The following CDK13 variants were observed in gnomAD, a reference collection of about 807,000 sequenced individuals.
The protein encoded by CDK13 is cyclin-dependent kinase 13.
CDK13 carries 40 observed loss-of-function variants against 137.6 expected under a neutral mutation model. The ratio of observed to expected loss-of-function variants is 0.29; its 90% CI spans 0.23 to 0.38. The LOEUF (loss-of-function observed/expected upper bound fraction) is 0.38, where lower values mean the gene tolerates loss of function less well. CDK13 is among the 10% of genes least tolerant of loss of function. The pLI is 1.00. For missense variants in CDK13, 1,704 were observed against 1,951.8 expected (o/e 0.87, Z 2.39); for synonymous variants, 869 against 760.1 (o/e 1.14, Z -2.36).
At chr7:40,012,390 GGA>G (rs1415502291) in intron 5 of CDK13, among the ~76,000 whole-genome samples, 7 of 152,094 alleles carry the variant, frequency 4.6e-5, no homozygotes, top group African/African-American at 1.7e-4. Context: ...CCTGAGGCCA[GGA>G]GTTCAAGACC....
chr7:39,951,976 C>A, intron 1 of CDK13, 124 bp downstream of exon 1: 1 of 1,056,556 alleles, frequency 9.5e-7, no homozygotes, highest in Non-Finnish European at 1.2e-6. Context: ...GACAACACCG[C>A]CTGAGCCTCC....
rs1313403354 is a variant in CDK13 at position 39,950,475 on chromosome 7, A to C, written c.-167A>C. 8.0e-7 allele frequency: 1 copy of C among 1,256,484 alleles called. No individual in the cohort carries two copies. Among genetic ancestry groups the C allele is most frequent in the Non-Finnish European group, 1.0e-6 (1 of 1,001,854 alleles). The allele number at this position is 1,256,484 out of a possible 1,614,324, so 77.8% of individuals were successfully genotyped here. Reference sequence around the variant, plus strand: ...TGCTGCGTACCCCACTGTGACCTGGAACCCAGGGACCCGAGTCCCGACCCG... The same window carrying C: ...TGCTGCGTACCCCACTGTGACCTGGCACCCAGGGACCCGAGTCCCGACCCG... On this transcript the variant is annotated 5_prime_UTR_variant, in exon 1 of 14. Coordinates refer to ENST00000181839, the MANE Select transcript of CDK13 (RefSeq NM_003718.5).
chr7:39,957,090 C>CGTGTGTGTGTGTGTGTGTGT (rs70996865), intron 1 of CDK13, among the ~76,000 whole-genome samples: 5 of 140,934 alleles, frequency 3.5e-5, no homozygotes, highest in African/African-American at 5.3e-5. Flanking sequence ...ATCCCACTGT[C>CGTGTGTGTGTGTGTGTGTGT]GTGTGTGTGT....
At chr7:40,062,797 C>T (rs771583692) in intron 7 of CDK13, 29 bp from the exon 8 acceptor site, 1 of 1,446,964 alleles carries the variant, frequency 6.9e-7, no homozygotes, top group Non-Finnish European at 9.7e-7. Flanking sequence ...CAAATACTAA[C>T]TCTAAAGACT....
At position 40,062,808 on chromosome 7, in the gene CDK13, GT is replaced by G; in HGVS notation, c.2601-14del. The G allele has an allele frequency of 6.5e-7, 1 of 1,538,472 alleles. No homozygotes were observed. The highest frequency in any genetic ancestry group is 9.0e-7 in the Non-Finnish European group (1 of 1,111,590). ...CCAACAAATACTAACTCTAAAGACT[GT>G]TTTCTGTGTTTTTTAGTCGGCCGTA... is the stretch of plus-strand genomic sequence containing the variant. On this transcript the variant is annotated splice_polypyrimidine_tract_variant and intron_variant, in intron 7 of 13. Coordinates refer to ENST00000181839, the MANE Select transcript of CDK13 (RefSeq NM_003718.5).
intron 5 of CDK13, among the ~76,000 whole-genome samples, chr7:40,042,487 T>TC: frequency 7.2e-6 from 1 of 139,264 alleles, no homozygotes; most frequent in African/African-American, 2.7e-5. Flanking sequence ...CTTTTTTTTT[T>TC]TTTTTTTTTT....
rs752706166 is a variant in CDK13 at position 40,094,677 on chromosome 7, C to T, written c.4236C>T (p.Leu1412=). The change falls in exon 14 of 14, where the codon CTC becomes CTT. Residue 1412 remains leucine (L), a synonymous_variant. Transcript: ENST00000181839. ...SSVAGYGDIY[L]NAGPMLFSGD... ...TAGCTGGATATGGAGACATTTACCT[C>T]AATGCTGGTCCCATGTTGTTTAGTG... The T allele has an allele frequency of 8.1e-6, 13 of 1,614,044 alleles. No homozygotes were observed. The highest frequency in any genetic ancestry group is 1.0e-5 in the Non-Finnish European group (12 of 1,180,032).
chr7:40,066,825 A>T (rs1786290364), intron 9 of CDK13: 2 of 152,230 alleles, frequency 1.3e-5, no homozygotes, highest in Non-Finnish European at 2.9e-5. Context: ...TTGTCAGAAG[A>T]TGGGAAAACA....
chr7:40,025,455 T>C lies in CDK13; in HGVS notation c.2354-20381T>C, dbSNP rs117534949. Among the ~76,000 whole-genome samples, 790 of 152,284 alleles carry C rather than the reference T, an allele frequency of 5.2e-3. 2 individuals carry two copies. Among genetic ancestry groups the C allele is most frequent in the Non-Finnish European group, 9.7e-3 (662 of 68,028 alleles). ...AATTATATTTGTAAATGTAAACTTG[T>C]AGTTTTTTGATCCACTTTCACCATT... On this transcript the variant is annotated intron_variant, in intron 5 of 13. Coordinates refer to ENST00000181839, the MANE Select transcript of CDK13 (RefSeq NM_003718.5).
intron 11 of CDK13, among the ~76,000 whole-genome samples, chr7:40,080,999 C>CT (rs58436580): frequency 2.0e-5 from 3 of 150,570 alleles, no homozygotes; most frequent in Non-Finnish European, 3.0e-5. Context: ...CTCTTATAGA[C>CT]TTTTTTTTTT....
intron 1 of CDK13, among the ~76,000 whole-genome samples, chr7:39,965,029 G>A (rs1161756779): frequency 6.6e-6 from 1 of 152,176 alleles, no homozygotes; most frequent in Non-Finnish European, 1.5e-5. Context: ...TTGCTGAGGA[G>A]TGCTTTACTT....
At chr7:39,959,867 C>G (rs1463671953) in intron 1 of CDK13, among the ~76,000 whole-genome samples, 1 of 140,062 alleles carries the variant, frequency 7.1e-6, no homozygotes, top group Non-Finnish European at 1.5e-5. Flanking sequence ...GCGGCATTAG[C>G]AAGTATTTTT....
At chr7:40,091,024 A>T (rs995663929) in intron 12 of CDK13, among the ~76,000 whole-genome samples, 1 of 151,998 alleles carries the variant, frequency 6.6e-6, no homozygotes, top group Non-Finnish European at 1.5e-5. Context: ...CAGCCTGGCC[A>T]ACATGGCAAA....
intron 9 of CDK13, chr7:40,071,093 G>A (rs1786411846): frequency 6.6e-6 from 1 of 152,056 alleles, no homozygotes; most frequent in South Asian, 2.1e-4. Context: ...CAGAAGATAG[G>A]AAAAGAGGGA....
chr7:40,056,978 G>A (rs1187460390), intron 7 of CDK13, among the ~76,000 whole-genome samples: 1 of 152,204 alleles, frequency 6.6e-6, no homozygotes, highest in Non-Finnish European at 1.5e-5. Context: ...GTGGTGGCTG[G>A]GCGTGGTGGC....
intron 9 of CDK13, chr7:40,067,624 C>A (rs1026763878): frequency 6.6e-6 from 1 of 151,998 alleles, no homozygotes; most frequent in African/African-American, 2.4e-5. Context: ...ACACACATAT[C>A]GGTACTTGAC....
chr7:39,970,595 G>C (rs1403303989), intron 1 of CDK13, among the ~76,000 whole-genome samples: 1 of 151,812 alleles, frequency 6.6e-6, no homozygotes, highest in East Asian at 1.9e-4. Flanking sequence ...CCAGTAGCTG[G>C]GATTACAGGC....
chr7:40,044,897 A>G (rs1400900191), intron 5 of CDK13, among the ~76,000 whole-genome samples: 1 of 152,162 alleles, frequency 6.6e-6, no homozygotes, highest in Non-Finnish European at 1.5e-5. Flanking sequence ...TGGCCTCCCA[A>G]AGCCCTGGGA....
rs1787098310 is a variant in CDK13, at chr7:40,099,248, G to A, written c.*4268G>A. 6.6e-6 allele frequency: 1 copy of A among 152,054 alleles called. No homozygotes were observed. The highest frequency in any genetic ancestry group is 2.4e-5 in the African/African-American group (1 of 41,432). 9.4% of individuals were successfully genotyped at this position (152,054 alleles called of 1,614,324 possible). On this transcript the variant is annotated 3_prime_UTR_variant, in exon 14 of 14. Transcript: ENST00000181839. The stretch of plus-strand genomic sequence containing the variant: ...GATCCATTTGAAGACAGGGAAAATA[G>A]AAAATTTTTATTGTAAAGGGAAGAA...
Sources: gnomAD v4.1 joint callset for allele counts (sites outside exome capture counted in the v4.1 genomes callset) on GRCh38, gnomAD v4.1.1 for gene constraint, MANE v1.5 for transcripts, NCBI Gene and HGNC (gene_info 2026-07-23, HGNC 2026-07-21) for gene names.